LONP1: variants seen among roughly 807,000 people sequenced by gnomAD.
LONP1 encodes lon peptidase 1, mitochondrial.
Under a neutral mutation model 98.5 loss-of-function variants are expected in LONP1, and 31 were observed. That is an observed-to-expected ratio of 0.31 (90% CI 0.24 to 0.42). The LOEUF (loss-of-function observed/expected upper bound fraction) is 0.42, where lower values mean the gene tolerates loss of function less well. Ranked by LOEUF, LONP1 falls within the 20% of genes least tolerant of loss-of-function variation. LONP1 has a pLI of 1.00. For missense variants in LONP1, 1,336 were observed against 1,350.6 expected (o/e 0.99, Z 0.17); for synonymous variants, 781 against 594.7 (o/e 1.31, Z -4.56).
chr19:5,701,032 G>A (rs2055031870), intron 8 of LONP1, 105 bp from the exon 9 acceptor site: 1 of 1,307,654 alleles, frequency 7.6e-7, no homozygotes, highest in Non-Finnish European at 1.1e-6. Flanking sequence ...CCATGTGTGG[G>A]GCTGAGCGCG....
intron 1 of LONP1, among the ~76,000 whole-genome samples, chr19:5,716,259 C>A (rs2436507): frequency 2.6e-5 from 2 of 77,220 alleles, no homozygotes; most frequent in Non-Finnish European, 4.7e-5. Flanking sequence ...TTAAAATATA[C>A]ATATATATAT....
intron 4 of LONP1, among the ~76,000 whole-genome samples, chr19:5,710,468 T>G (rs1279860581): frequency 2.0e-5 from 3 of 152,002 alleles, no homozygotes; most frequent in African/African-American, 4.8e-5. Flanking sequence ...CGATCACAGC[T>G]CACTGCAGCC....
intron 1 of LONP1, 55 bp from the exon 2 acceptor site, chr19:5,714,326 A>T: frequency 6.6e-6 from 8 of 1,214,622 alleles, no homozygotes; most frequent in African/African-American, 1.5e-5. Context: ...TTTTTGAGAC[A>T]GAGTCTCATT....
At chr19:5,704,127 G>A (rs761573826) in intron 8 of LONP1, among the ~76,000 whole-genome samples, 12 of 152,204 alleles carry the variant, frequency 7.9e-5, no homozygotes, top group African/African-American at 1.7e-4. Flanking sequence ...CACGACAGGC[G>A]GTGGGAGGTG....
chr19:5,716,454 T>C (rs1260757973), intron 1 of LONP1, among the ~76,000 whole-genome samples: 2 of 151,026 alleles, frequency 1.3e-5, no homozygotes, highest in Non-Finnish European at 1.5e-5. Flanking sequence ...ATGCCGATGC[T>C]GCTGGTCCAC....
At position 5,719,835 on chromosome 19, in the gene LONP1, T is replaced by C. The variant is rs754822223; in HGVS notation, c.298A>G (p.Ser100Gly). The C allele has an allele frequency of 3.1e-6, 5 of 1,608,938 alleles. No individual in the cohort carries two copies. Among genetic ancestry groups the C allele is most frequent in the East Asian group, 4.5e-5 (2 of 44,732 alleles). ...AEEGAGGAGG[S>G]AGAGEGPVIT... ...ACCGGGCCTTCCCCGGCGCCCGCGC[T>C]GCCCCCCGCGCCGCCGGCTCCTTCC... Residue 100 changes from serine to glycine, a missense_variant, in exon 1 of 18, where the codon AGC (serine) becomes GGC (glycine). Transcript: ENST00000360614.
intron 8 of LONP1, among the ~76,000 whole-genome samples, chr19:5,701,709 A>G (rs1011979591): frequency 3.3e-5 from 5 of 152,066 alleles, no homozygotes; most frequent in East Asian, 3.9e-4. Context: ...CGCCTGCCTT[A>G]GCCTCCCAAA....
Position 5,696,140 on chromosome 19 carries a change from C to G in LONP1, c.1927G>C (p.Asp643His). The G allele has an allele frequency of 6.2e-7, 1 of 1,612,932 alleles. No individual in the cohort carries two copies. The highest frequency in any genetic ancestry group is 1.3e-5 in the African/African-American group (1 of 75,020). Residue 643 changes from aspartate to histidine, a missense_variant, in exon 13 of 18, where the codon GAC becomes CAC. Asp to His is a moderately conservative substitution (Grantham distance 81). Around this residue, in one of 5 missense-constraint regions of LONP1, gnomAD observed 555 missense variants for 542.6 expected, o/e 1.02. Coordinates refer to ENST00000360614, the MANE Select transcript of LONP1 (RefSeq NM_004793.4). ...TCTCGCAGCGGCTCGGGGATGGTGT[C>G]CGTGACGTTGGCCGTGCAGATGAAC... The part of the protein sequence containing the change: ...VLFICTANVT[D>H]TIPEPLRDRM...
At chr19:5,715,642 A>AT (rs1389228184) in intron 1 of LONP1, among the ~76,000 whole-genome samples, 14 of 59,084 alleles carry the variant, frequency 2.4e-4, no homozygotes, top group Admixed American at 6.5e-4. Context: ...ACTCTGTCTC[A>AT]TAAAAAAAAA....
At position 5,696,170 on chromosome 19, in the gene LONP1, C is replaced by G. The variant is rs747097490; in HGVS notation, c.1897G>C (p.Val633Leu). ...ACGTTGGCCGTGCAGATGAACAGCA[C>G]CTGGGGGCGGCGGCAAGGTGCTGGG... ...YLDVPVDLSKVLFICTANVTD... is the reference protein window; with the variant it reads ...YLDVPVDLSKLLFICTANVTD... The change falls in exon 13 of 18, where the codon GTG (valine) becomes CTG (leucine). Residue 633 changes from valine to leucine, a missense_variant and splice_region_variant. Val to Leu is a conservative substitution (Grantham distance 32). Coordinates refer to ENST00000360614, the MANE Select transcript of LONP1 (RefSeq NM_004793.4). 4 of 1,612,822 alleles carry G rather than the reference C, an allele frequency of 2.5e-6. No individual in the cohort carries two copies. Among genetic ancestry groups the G allele is most frequent in the African/African-American group, 1.3e-5 (1 of 74,922 alleles).
intron 15 of LONP1, 27 bp downstream of exon 15, chr19:5,694,360 G>A (rs372568131): frequency 1.9e-5 from 31 of 1,607,830 alleles, no homozygotes; most frequent in African/African-American, 1.9e-4. Flanking sequence ...GAATGGCTTT[G>A]GGGTCTTCTC....
At chr19:5,711,708 A>C (rs2055239373) in intron 4 of LONP1, 63 bp downstream of exon 4, 2 of 1,396,028 alleles carry the variant, frequency 1.4e-6, no homozygotes, top group African/African-American at 2.8e-5. Flanking sequence ...AGGCCGCAGG[A>C]ACGGCTCAAG....
rs753886167 is a variant in LONP1 at position 5,693,741 on chromosome 19, G to C, written c.2349C>G (p.Ser783=). Residue 783 remains serine, a synonymous_variant, in exon 16 of 18, where the codon TCC becomes TCG. Transcript: ENST00000360614. ...MGGSTLFVET[S]LRRPQDKDAK... ...CATCCTTGTCCTGTGGCCGTCTCAG[G>C]GATGTCTCCACAAACAGCGTGGAGC... The C allele has an allele frequency of 8.1e-6, 13 of 1,613,852 alleles. No individual in the cohort carries two copies. Among genetic ancestry groups the C allele is most frequent in the Non-Finnish European group, 1.1e-5 (13 of 1,179,990 alleles).
In LONP1 at chr19:5,719,815, G is replaced by A. The variant is rs1400920303; in HGVS notation, c.318C>T (p.Gly106=). 6 of 1,611,220 alleles carry A rather than the reference G, an allele frequency of 3.7e-6. No homozygotes were observed. The South Asian group carries it at 5.5e-5, about 15-fold the overall frequency. The change falls in exon 1 of 18, where the codon GGC becomes GGT. Residue 106 remains glycine (G), a synonymous_variant. Coordinates refer to ENST00000360614, the MANE Select transcript of LONP1 (RefSeq NM_004793.4). The part of the protein sequence containing the change: ...GAGGSAGAGE[G]PVITALTPMT... Reference sequence around the variant, plus strand: ...TGGGCGTGAGCGCCGTTATGACCGGGCCTTCCCCGGCGCCCGCGCTGCCCC... The same window carrying A: ...TGGGCGTGAGCGCCGTTATGACCGGACCTTCCCCGGCGCCCGCGCTGCCCC...
chr19:5,711,821 C>T lies in LONP1; in HGVS notation c.820G>A (p.Glu274Lys). The T allele has an allele frequency of 6.2e-7, 1 of 1,612,726 alleles. No homozygotes were observed. Among genetic ancestry groups the T allele is most frequent in the South Asian group, 1.1e-5 (1 of 91,080 alleles). ...TCCTCGTGGACAACGTTCTCTACCT[C>T]CACCATGAGCACCTCAGCCGGGAGC... ...PELPAEVLMV[E>K]VENVVHEDFQ... Residue 274 changes from glutamate (E) to lysine (K), a missense_variant, in exon 4 of 18, where the codon GAG (glutamate) becomes AAG (lysine). Physicochemically the swap from Glu to Lys is moderately conservative, Grantham distance 56. This residue lies in a region of LONP1 where 457 missense variants were observed against 403.1 expected (regional missense o/e 1.13). Coordinates refer to ENST00000360614, the MANE Select transcript of LONP1 (RefSeq NM_004793.4).
Position 5,719,951 on chromosome 19 carries a change from A to G in LONP1, c.182T>C (p.Ile61Thr), listed in dbSNP as rs953392115. Residue 61 changes from isoleucine (I) to threonine (T), a missense_variant, in exon 1 of 18, where the codon ATT becomes ACT. Ile to Thr is a moderately conservative substitution (Grantham distance 89, BLOSUM62 -1). Transcript: ENST00000360614. ...CCAAAACCCCCGCCATTGGCCCCCA[A>G]TTGCCGGGCCTCGGCCCCACAGTGC... is the stretch of plus-strand genomic sequence containing the variant. The part of the protein sequence containing the change: ...PWALWGRGPA[I>T]GGQWRGFWEA... The G allele has an allele frequency of 6.4e-6, 10 of 1,568,652 alleles. 1 individual carries two copies. The highest frequency in any genetic ancestry group is 4.7e-5 in the South Asian group (4 of 85,844).
intron 6 of LONP1, among the ~76,000 whole-genome samples, 179 bp downstream of exon 6, chr19:5,707,518 A>G (rs1292212203): frequency 1.3e-5 from 2 of 152,174 alleles, no homozygotes; most frequent in African/African-American, 2.4e-5. Flanking sequence ...GCAGCGGGAA[A>G]TCATCTCAAA....
At chr19:5,709,945 G>A (rs1024096721) in intron 4 of LONP1, among the ~76,000 whole-genome samples, 2 of 142,284 alleles carry the variant, frequency 1.4e-5, no homozygotes, top group Non-Finnish European at 3.1e-5. Flanking sequence ...GAACAAGTTC[G>A]CTGCCCCTAA....
intron 1 of LONP1, 103 bp from the exon 2 acceptor site, chr19:5,714,374 C>A: frequency 1.3e-6 from 1 of 765,306 alleles, no homozygotes; most frequent in Non-Finnish European, 2.2e-6. Context: ...GTGATCTCAG[C>A]TCACTGCAAC....
Sources: allele counts gnomAD v4.1 joint callset (sites outside exome capture counted in the v4.1 genomes callset), GRCh38; gene constraint gnomAD v4.1.1; regional missense constraint gnomAD v4.1.1; transcripts MANE v1.5; gene names NCBI Gene and HGNC (gene_info 2026-07-23, HGNC 2026-07-21).